CDH8: variants seen among roughly 807,000 people sequenced by gnomAD.
CDH8 encodes the protein cadherin-8.
CDH8 carries 17 observed loss-of-function variants against 68.1 expected under a neutral mutation model. That is an observed-to-expected ratio of 0.25 (90% confidence interval 0.17 to 0.37). CDH8 has a LOEUF of 0.37. CDH8 is among the 10% of genes least tolerant of loss of function. The pLI is 1.00. For missense variants in CDH8, 763 were observed against 999.3 expected (o/e 0.76, Z 3.19); for synonymous variants, 372 against 365.1 (o/e 1.02, Z -0.21).
chr16:61,768,933 C>T (rs1960707016), intron 8 of CDH8, among the ~76,000 whole-genome samples: 1 of 151,756 alleles, frequency 6.6e-6, no homozygotes, highest in Non-Finnish European at 1.5e-5. Context: ...ACTTCACACA[C>T]TTAAAAATTA....
chr16:61,650,706 T>TGTGTGTGTGA lies in CDH8; in HGVS notation c.*2901_*2902insTCACACACAC, dbSNP rs745949180. ...GTGTGTGTGTGTGTGTGTGTGTGTG[T>TGTGTGTGTGA]GAGAGAGAGAGAGAGAGAGAGAGAG... is the stretch of plus-strand genomic sequence containing the variant. On this transcript the variant is annotated 3_prime_UTR_variant, in exon 12 of 12. Transcript: ENST00000577390. 14 of 116,682 alleles carry TGTGTGTGTGA rather than the reference T, an allele frequency of 1.2e-4. No homozygotes were observed. Among genetic ancestry groups the TGTGTGTGTGA allele is most frequent in the African/African-American group, 4.4e-4 (13 of 29,868 alleles). The allele number at this position is 116,682 out of a possible 1,614,324, so 7.2% of individuals were successfully genotyped here. A position where few individuals can be genotyped will look rare whatever the true frequency, so the allele number is the denominator to read the frequency against.
At chr16:61,710,362 C>G (rs1964608856) in intron 10 of CDH8, among the ~76,000 whole-genome samples, 1 of 152,184 alleles carries the variant, frequency 6.6e-6, no homozygotes, top group African/African-American at 2.4e-5. Flanking sequence ...ATACTCTATA[C>G]AGTTAACTAT....
chr16:61,796,920 C>T (rs534238397), intron 7 of CDH8, among the ~76,000 whole-genome samples: 167 of 152,110 alleles, frequency 1.1e-3, no homozygotes, highest in Non-Finnish European at 1.6e-3. Flanking sequence ...GAGAATAGGT[C>T]AAAATGGCCA....
intron 10 of CDH8, chr16:61,692,498 T>C (rs999939862): frequency 6.6e-6 from 1 of 151,382 alleles, no homozygotes; most frequent in Non-Finnish European, 1.5e-5. Flanking sequence ...GCATGTGTGT[T>C]TATCTGTGTA....
At chr16:61,698,793 TTCTTTGGTTTTTTTCA>T (rs1964372567) in intron 10 of CDH8, among the ~76,000 whole-genome samples, 1 of 152,158 alleles carries the variant, frequency 6.6e-6, no homozygotes, top group Non-Finnish European at 1.5e-5. Context: ...TCCGATATCT[TTCTTTGGTTTTTTTCA>T]TCTTTGCTCT....
chr16:62,030,009 T>C (rs1902287030), intron 1 of CDH8, among the ~76,000 whole-genome samples: 1 of 152,184 alleles, frequency 6.6e-6, no homozygotes, highest in Admixed American at 6.5e-5. Context: ...ACGATCCTAG[T>C]ATAAGTCATC....
intron 2 of CDH8, among the ~76,000 whole-genome samples, chr16:61,966,448 G>A (rs568030675): frequency 2.0e-5 from 3 of 152,040 alleles, no homozygotes; most frequent in East Asian, 1.9e-4. Flanking sequence ...TGAGGCAGGA[G>A]AATTGCTTGA....
intron 8 of CDH8, among the ~76,000 whole-genome samples, chr16:61,770,477 T>C (rs917869906): frequency 1.3e-4 from 20 of 152,016 alleles, no homozygotes; most frequent in Admixed American, 2.0e-4. Context: ...TGTTAGTCTA[T>C]TACTCATTCC....
intron 1 of CDH8, among the ~76,000 whole-genome samples, chr16:62,025,526 G>A (rs1902178513): frequency 6.6e-6 from 1 of 152,066 alleles, no homozygotes; most frequent in Non-Finnish European, 1.5e-5. Flanking sequence ...CAATGGTATA[G>A]CCCCGGGGAG....
At chr16:61,965,189 G>A (rs938064165) in intron 2 of CDH8, among the ~76,000 whole-genome samples, 16 of 152,176 alleles carry the variant, frequency 1.1e-4, no homozygotes, top group African/African-American at 3.9e-4. Flanking sequence ...ACCGTACAAA[G>A]TGGTCCATTT....
At chr16:61,971,754 G>T (rs1482119270) in intron 2 of CDH8, among the ~76,000 whole-genome samples, 1 of 152,156 alleles carries the variant, frequency 6.6e-6, no homozygotes, top group African/African-American at 2.4e-5. Flanking sequence ...CCACGCTAGA[G>T]CTGCATAAGA....
chr16:61,695,440 A>G (rs565700441), intron 10 of CDH8, among the ~76,000 whole-genome samples: 4 of 152,308 alleles, frequency 2.6e-5, no homozygotes, highest in Non-Finnish European at 4.4e-5. Flanking sequence ...CCTTTCAACT[A>G]GTTCATGACC....
intron 10 of CDH8, chr16:61,692,223 G>A (rs1342836115): frequency 6.6e-6 from 1 of 152,058 alleles, no homozygotes; most frequent in Non-Finnish European, 1.5e-5. Flanking sequence ...CAAACGTGAT[G>A]ACCAATTTTG....
chr16:62,021,500 T>C lies in CDH8; in HGVS notation c.-97A>G, dbSNP rs1448551294. On this transcript the variant is annotated 5_prime_UTR_variant, in exon 2 of 12. The change abolishes the stop of an existing upstream ORF in the 5' untranslated region. Transcript: ENST00000577390. ...CAATTCATCATGCAGTGCCGAGCAT[T>C]TACTTACAGCTCTGCCACGTGTCTA... The C allele has an allele frequency of 3.3e-6, 5 of 1,514,084 alleles. No individual in the cohort carries two copies. The African/African-American group carries it at 6.9e-5, about 21-fold the overall frequency. 93.8% of individuals were successfully genotyped at this position (1,514,084 alleles called of 1,614,324 possible). A position where few individuals can be genotyped will look rare whatever the true frequency, so the allele number is the denominator to read the frequency against.
intron 1 of CDH8, among the ~76,000 whole-genome samples, chr16:62,029,958 G>C (rs925013094): frequency 1.3e-5 from 2 of 152,116 alleles, no homozygotes; most frequent in Non-Finnish European, 2.9e-5. Context: ...TCCCATAATG[G>C]GGGCTTCAGA....
intron 9 of CDH8, among the ~76,000 whole-genome samples, chr16:61,725,004 C>T (rs1431691202): frequency 6.6e-6 from 1 of 150,802 alleles, no homozygotes; most frequent in African/African-American, 2.4e-5. Context: ...ACAGCATGTA[C>T]ATCAGTCAGC....
chr16:61,934,322 CA>C (rs1408607927), intron 2 of CDH8: 1 of 149,994 alleles, frequency 6.7e-6, no homozygotes, highest in Non-Finnish European at 1.5e-5. Flanking sequence ...TCCTAATAAG[CA>C]TAGCTTATAA....
At chr16:61,667,107 T>C (rs1963694456) in intron 10 of CDH8, 1 of 152,038 alleles carries the variant, frequency 6.6e-6, no homozygotes, top group Non-Finnish European at 1.5e-5. Flanking sequence ...CACGAGCAAC[T>C]GGATATTCTA....
intron 2 of CDH8, among the ~76,000 whole-genome samples, chr16:61,938,310 C>G (rs146869471): frequency 2.0e-5 from 3 of 152,232 alleles, no homozygotes; most frequent in Non-Finnish European, 4.4e-5. Flanking sequence ...ACTCTCATTT[C>G]AGAACTGAAA....
Sources: gnomAD v4.1 joint callset for allele counts (sites outside exome capture counted in the v4.1 genomes callset) on GRCh38, gnomAD v4.1.1 for gene constraint, MANE v1.5 for transcripts, NCBI Gene and HGNC (gene_info 2026-07-23, HGNC 2026-07-21) for gene names.